Variants in TMTC2 observed in about 807,000 individuals in gnomAD.
TMTC2 encodes transmembrane O-mannosyltransferase targeting cadherins 2, also known as protein O-mannosyl-transferase TMTC2.
A neutral mutation model predicts 82.4 loss-of-function variants in TMTC2; 43 were observed. The ratio of observed to expected loss-of-function variants is 0.52; its 90% CI spans 0.41 to 0.67. TMTC2 has a LOEUF of 0.67. TMTC2 is among the 30% of genes least tolerant of loss of function. The pLI, the probability that TMTC2 is intolerant of heterozygous loss-of-function variation, is 0.00. For synonymous variants in TMTC2, 408 were observed against 381.9 expected, an observed-to-expected ratio of 1.07 and a Z score of -0.80; for missense variants, 919 against 1,012.4, an observed-to-expected ratio of 0.91 and a Z score of 1.25.
At chr12:83,006,126 C>T (rs1423970126) in intron 8 of TMTC2, among the ~76,000 whole-genome samples, 2 of 152,110 alleles carry the variant, frequency 1.3e-5, no homozygotes, top group Non-Finnish European at 2.9e-5. Flanking sequence ...GTGGGTTTCT[C>T]TACAGGTTCC....
At chr12:82,865,060 A>C (rs1362484290) in intron 2 of TMTC2, among the ~76,000 whole-genome samples, 1 of 130,138 alleles carries the variant, frequency 7.7e-6, no homozygotes, top group Non-Finnish European at 1.7e-5. Flanking sequence ...TAAAAATACA[A>C]AAAAAAAAAA....
chr12:83,042,265 C>T (rs1463966059), intron 9 of TMTC2, among the ~76,000 whole-genome samples: 1 of 152,144 alleles, frequency 6.6e-6, no homozygotes, highest in Non-Finnish European at 1.5e-5. Context: ...GGAGCGGGCT[C>T]CTTTCTTTAG....
chr12:82,798,248 C>A (rs1878818383), intron 1 of TMTC2, among the ~76,000 whole-genome samples: 1 of 149,456 alleles, frequency 6.7e-6, no homozygotes, highest in East Asian at 2.0e-4. Context: ...AGCCACCACG[C>A]CCGGCCACCT....
chr12:82,711,850 A>T (rs918514869), intron 1 of TMTC2, among the ~76,000 whole-genome samples: 1 of 152,236 alleles, frequency 6.6e-6, no homozygotes, highest in Non-Finnish European at 1.5e-5. Flanking sequence ...GTTGATTATC[A>T]TTACACATAG....
intron 11 of TMTC2, among the ~76,000 whole-genome samples, chr12:83,089,043 A>C (rs761742335): frequency 6.6e-5 from 10 of 152,160 alleles, no homozygotes; most frequent in Non-Finnish European, 1.5e-4. Flanking sequence ...AATCATGACC[A>C]CGGGGGAAAC....
intron 1 of TMTC2, among the ~76,000 whole-genome samples, chr12:82,802,140 G>T (rs1879039277): frequency 6.6e-6 from 1 of 152,164 alleles, no homozygotes; most frequent in African/African-American, 2.4e-5. Flanking sequence ...CGCATGGTAG[G>T]CTGCAGGTCC....
At chr12:82,948,963 T>C (rs1877190842) in intron 4 of TMTC2, among the ~76,000 whole-genome samples, 1 of 152,214 alleles carries the variant, frequency 6.6e-6, no homozygotes, top group Non-Finnish European at 1.5e-5. Flanking sequence ...ATTCAAAGCA[T>C]ATCAACTCAG....
intron 9 of TMTC2, among the ~76,000 whole-genome samples, chr12:83,041,500 TATA>T (rs1043630081): frequency 3.3e-5 from 5 of 152,054 alleles, no homozygotes; most frequent in Non-Finnish European, 7.4e-5. Context: ...ATTTTAAAAT[TATA>T]ATAAAAACAA....
At chr12:83,024,528 A>G (rs1881078322) in intron 8 of TMTC2, among the ~76,000 whole-genome samples, 1 of 152,328 alleles carries the variant, frequency 6.6e-6, no homozygotes, top group South Asian at 2.1e-4. Flanking sequence ...CCCAAAGAGT[A>G]AACACCAGAC....
intron 11 of TMTC2, among the ~76,000 whole-genome samples, chr12:83,094,291 G>T (rs1272989105): frequency 6.6e-6 from 1 of 152,220 alleles, no homozygotes; most frequent in African/African-American, 2.4e-5. Context: ...AAGAGGAATA[G>T]TGTTTAACCA....
At chr12:82,825,530 C>T (rs1425593591) in intron 1 of TMTC2, among the ~76,000 whole-genome samples, 10 of 152,124 alleles carry the variant, frequency 6.6e-5, no homozygotes, top group Non-Finnish European at 8.8e-5. Flanking sequence ...CTGCTTTTCA[C>T]GTATTTTATA....
chr12:82,872,431 C>T (rs538797296), intron 2 of TMTC2, among the ~76,000 whole-genome samples: 4 of 152,158 alleles, frequency 2.6e-5, no homozygotes, highest in African/African-American at 9.7e-5. Flanking sequence ...AAGAATTATT[C>T]GGATTCAATT....
intron 3 of TMTC2, among the ~76,000 whole-genome samples, chr12:82,923,313 C>G (rs1237762379): frequency 6.6e-6 from 1 of 152,026 alleles, no homozygotes; most frequent in Non-Finnish European, 1.5e-5. Flanking sequence ...TATTCATGTC[C>G]TTTGCCTATT....
intron 7 of TMTC2, among the ~76,000 whole-genome samples, chr12:82,978,701 T>A (rs967109779): frequency 5.3e-5 from 8 of 151,836 alleles, no homozygotes; most frequent in East Asian, 1.9e-4. Context: ...ATCTATTAGA[T>A]CCATTTGCTC....
intron 8 of TMTC2, among the ~76,000 whole-genome samples, chr12:83,010,196 C>T (rs1040825414): frequency 2.6e-5 from 4 of 152,138 alleles, no homozygotes; most frequent in Non-Finnish European, 5.9e-5. Flanking sequence ...TTTTTTATCT[C>T]AATCTGAAAC....
chr12:82,854,114 C>T (rs891258354), intron 1 of TMTC2, among the ~76,000 whole-genome samples: 4 of 152,146 alleles, frequency 2.6e-5, no homozygotes, highest in African/African-American at 7.2e-5. Context: ...ATTTAATACA[C>T]AGTCAATACA....
chr12:82,792,283 A>G (rs1009809611), intron 1 of TMTC2, among the ~76,000 whole-genome samples: 1 of 152,064 alleles, frequency 6.6e-6, no homozygotes, highest in Non-Finnish European at 1.5e-5. Context: ...TTTTTAGGTG[A>G]AATTCACATA....
At chr12:82,772,901 CTCTT>C (rs1877384067) in intron 1 of TMTC2, among the ~76,000 whole-genome samples, 1 of 152,188 alleles carries the variant, frequency 6.6e-6, no homozygotes, top group African/African-American at 2.4e-5. Flanking sequence ...GGAGACAGCT[CTCTT>C]TCCTAGGTAT....
chr12:83,053,954 A>C (rs1882444013), intron 10 of TMTC2, among the ~76,000 whole-genome samples: 1 of 152,104 alleles, frequency 6.6e-6, no homozygotes, highest in Non-Finnish European at 1.5e-5. Flanking sequence ...TTTGTTTTAG[A>C]GAACCACAGT....
Sources: gnomAD v4.1 joint callset for allele counts (sites outside exome capture counted in the v4.1 genomes callset) on GRCh38, gnomAD v4.1.1 for gene constraint, MANE v1.5 for transcripts, NCBI Gene and HGNC (gene_info 2026-07-23, HGNC 2026-07-21) for gene names.